RERE: variants seen among roughly 807,000 people sequenced by gnomAD.
RERE encodes arginine-glutamic acid dipeptide repeats, also known as arginine-glutamic acid dipeptide repeats protein.
RERE carries 40 observed loss-of-function variants against 146.1 expected under a neutral mutation model. The ratio of observed to expected loss-of-function variants is 0.27; its 90% confidence interval spans 0.21 to 0.36. The LOEUF is 0.36. Ranked by LOEUF, RERE falls within the 10% of genes least tolerant of loss-of-function variation. The pLI is 1.00. For missense variants in RERE, 1,933 were observed against 2,138.7 expected (o/e 0.90, Z 1.90); for synonymous variants, 1,003 against 866.0 (o/e 1.16, Z -2.78).
chr1:8,645,508 G>C (rs1236545185), intron 2 of RERE, among the ~76,000 whole-genome samples: 1 of 151,978 alleles, frequency 6.6e-6, no homozygotes, highest in Non-Finnish European at 1.5e-5. Context: ...ACTAATGAGT[G>C]ATTAGTGACT....
intron 1 of RERE, among the ~76,000 whole-genome samples, chr1:8,765,442 G>A (rs1640827802): frequency 6.6e-6 from 1 of 152,120 alleles, no homozygotes; most frequent in Non-Finnish European, 1.5e-5. Context: ...ACAACTCTGT[G>A]AACACAAAAA....
At chr1:8,376,062 C>T (rs1432046789) in intron 12 of RERE, among the ~76,000 whole-genome samples, 1 of 152,196 alleles carries the variant, frequency 6.6e-6, no homozygotes, top group Non-Finnish European at 1.5e-5. Flanking sequence ...TGGCCAAGCT[C>T]AGTTTCAATG....
At chr1:8,723,411 A>C (rs879282378) in intron 1 of RERE, among the ~76,000 whole-genome samples, 1 of 152,230 alleles carries the variant, frequency 6.6e-6, no homozygotes, top group Non-Finnish European at 1.5e-5. Context: ...GAGGGCTTTA[A>C]AAAAGAAAAC....
At chr1:8,548,137 G>A (rs546389371) in intron 6 of RERE, among the ~76,000 whole-genome samples, 11 of 152,290 alleles carry the variant, frequency 7.2e-5, no homozygotes, top group East Asian at 1.9e-4. Flanking sequence ...TAAGAAAGAC[G>A]GGGTTTTAAG....
At chr1:8,680,640 A>G (rs531697278) in intron 1 of RERE, among the ~76,000 whole-genome samples, 5 of 152,194 alleles carry the variant, frequency 3.3e-5, no homozygotes, top group Admixed American at 6.5e-5. Context: ...TGTGGGCTTC[A>G]GGGTAAAAAG....
intron 4 of RERE, among the ~76,000 whole-genome samples, chr1:8,570,587 A>G (rs1200172870): frequency 6.6e-6 from 1 of 152,182 alleles, no homozygotes; most frequent in Non-Finnish European, 1.5e-5. Context: ...GCTATATCAC[A>G]CATCATTTAG....
chr1:8,553,721 A>G (rs1405501814), intron 6 of RERE, among the ~76,000 whole-genome samples: 1 of 152,256 alleles, frequency 6.6e-6, no homozygotes, highest in Non-Finnish European at 1.5e-5. Flanking sequence ...AAAAGAAGAT[A>G]AAGTATTACC....
chr1:8,694,851 A>C (rs1557486205), intron 1 of RERE, among the ~76,000 whole-genome samples: 1 of 152,024 alleles, frequency 6.6e-6, no homozygotes, highest in Non-Finnish European at 1.5e-5. Context: ...TTTCCTAAGC[A>C]ATCTACAGAT....
At chr1:8,560,516 C>T (rs1225502653) in intron 4 of RERE, among the ~76,000 whole-genome samples, 1 of 152,158 alleles carries the variant, frequency 6.6e-6, no homozygotes, top group Non-Finnish European at 1.5e-5. Flanking sequence ...AGGCCTGTGG[C>T]CCCCTCCAAT....
intron 11 of RERE, among the ~76,000 whole-genome samples, chr1:8,463,082 G>T (rs1280428546): frequency 6.6e-6 from 1 of 152,106 alleles, no homozygotes; most frequent in Non-Finnish European, 1.5e-5. Context: ...TTTTTTCACA[G>T]CCAAAGCCAG....
chr1:8,801,914 C>T (rs1569828834), intron 1 of RERE, among the ~76,000 whole-genome samples: 3 of 151,928 alleles, frequency 2.0e-5, no homozygotes, highest in East Asian at 1.9e-4. Flanking sequence ...ATACAGCGTC[C>T]GATTATGCAG....
At chr1:8,466,779 TC>T (rs1167533997) in intron 10 of RERE, among the ~76,000 whole-genome samples, 1 of 152,206 alleles carries the variant, frequency 6.6e-6, no homozygotes, top group African/African-American at 2.4e-5. Context: ...TCAAAGCTAA[TC>T]AACTTTTCTC....
intron 1 of RERE, among the ~76,000 whole-genome samples, chr1:8,726,432 C>T (rs986222460): frequency 2.6e-5 from 4 of 152,036 alleles, no homozygotes; most frequent in African/African-American, 7.2e-5. Flanking sequence ...GGGTTACAGG[C>T]GTGAGCCAAC....
At position 8,476,942 on chromosome 1, in the gene RERE, A is replaced by G. The variant is rs1252116066; in HGVS notation, c.1105-10919T>C. ...AAACAAATGGTAATAATGTTAATAC[A>G]TTAATTTAGAAAAATAAAAAAACAA... On this transcript the variant is annotated intron_variant, in intron 10 of 22. Coordinates refer to ENST00000400908, the MANE Select transcript of RERE (RefSeq NM_001042681.2). Among the ~76,000 whole-genome samples the G allele has an allele frequency of 2.6e-5, 4 of 152,330 alleles. No individual in the cohort carries two copies. The East Asian group carries it at 7.7e-4, about 29-fold the overall frequency.
At chr1:8,717,110 G>T (rs998911990) in intron 1 of RERE, among the ~76,000 whole-genome samples, 2 of 152,180 alleles carry the variant, frequency 1.3e-5, no homozygotes, top group Non-Finnish European at 2.9e-5. Context: ...GAAGCAGTAG[G>T]TGAAAGTACA....
intron 10 of RERE, among the ~76,000 whole-genome samples, chr1:8,469,347 G>T: frequency 6.6e-6 from 1 of 152,228 alleles, no homozygotes. Context: ...GGCTGGGCGC[G>T]GTGGCTCACG....
intron 12 of RERE, among the ~76,000 whole-genome samples, chr1:8,406,387 G>T (rs541079379): frequency 6.6e-6 from 1 of 152,058 alleles, no homozygotes; most frequent in Non-Finnish European, 1.5e-5. Context: ...ATATTTTCAA[G>T]AGAAGAAAGC....
intron 2 of RERE, among the ~76,000 whole-genome samples, chr1:8,650,665 G>C (rs894473912): frequency 2.0e-5 from 3 of 152,072 alleles, no homozygotes; most frequent in Non-Finnish European, 4.4e-5. Flanking sequence ...TTAGGAGGCC[G>C]GGGCGGGCAG....
At chr1:8,635,134 T>C (rs544264767) in intron 2 of RERE, among the ~76,000 whole-genome samples, 1 of 152,238 alleles carries the variant, frequency 6.6e-6, no homozygotes, top group African/African-American at 2.4e-5. Context: ...TTCAGCCCAC[T>C]GTGAATTACA....
Sources: gnomAD v4.1 joint callset for allele counts (sites outside exome capture counted in the v4.1 genomes callset) on GRCh38, gnomAD v4.1.1 for gene constraint, MANE v1.5 for transcripts, NCBI Gene and HGNC (gene_info 2026-07-23, HGNC 2026-07-21) for gene names.